Variants in GALNT16 observed in about 807,000 individuals in gnomAD.
GALNT16 encodes the protein polypeptide N-acetylgalactosaminyltransferase 16.
Under a neutral mutation model 76.1 loss-of-function variants are expected in GALNT16, and 40 were observed. The ratio of observed to expected loss-of-function variants is 0.53; its 90% CI spans 0.41 to 0.68. GALNT16 has a LOEUF of 0.68. Ranked by LOEUF, GALNT16 falls within the 30% of genes least tolerant of loss-of-function variation. The pLI is 0.00. For missense variants in GALNT16, 621 were observed against 731.9 expected, an observed-to-expected ratio of 0.85 and a Z score of 1.75; for synonymous variants, 276 against 285.2, an observed-to-expected ratio of 0.97 and a Z score of 0.32.
intron 1 of GALNT16, among the ~76,000 whole-genome samples, chr14:69,288,361 C>T (rs2044644188): frequency 6.6e-6 from 1 of 152,172 alleles, no homozygotes; most frequent in African/African-American, 2.4e-5. Flanking sequence ...AACCAGAAGG[C>T]AGTTGGAACA....
chr14:69,334,839 G>C (rs1308376337), intron 9 of GALNT16, among the ~76,000 whole-genome samples: 2 of 152,112 alleles, frequency 1.3e-5, no homozygotes, highest in Non-Finnish European at 2.9e-5. Flanking sequence ...GCGACGTGGA[G>C]ACGGGGGCGG....
At chr14:69,297,693 A>AT (rs1234435035) in intron 1 of GALNT16, among the ~76,000 whole-genome samples, 5 of 151,768 alleles carry the variant, frequency 3.3e-5, no homozygotes, top group Non-Finnish European at 5.9e-5. Context: ...TCCAGTTAAC[A>AT]TTTTTTTAAA....
At chr14:69,273,449 G>A (rs941295942) in intron 1 of GALNT16, among the ~76,000 whole-genome samples, 4 of 152,202 alleles carry the variant, frequency 2.6e-5, no homozygotes, top group Admixed American at 6.5e-5. Flanking sequence ...CAGGCTGAGC[G>A]GGAAAGAGGC....
At chr14:69,336,493 TCTC>T (rs2045417024) in intron 9 of GALNT16, among the ~76,000 whole-genome samples, 2 of 152,238 alleles carry the variant, frequency 1.3e-5, no homozygotes, top group East Asian at 3.9e-4. Flanking sequence ...GGAATGCTCT[TCTC>T]CTGCTAGCCA....
chr14:69,365,722 G>A, the GALNT16 span, among the ~76,000 whole-genome samples: 4 of 152,068 alleles, frequency 2.6e-5, no homozygotes, highest in Non-Finnish European at 4.4e-5. Flanking sequence ...AAACCAGCAT[G>A]GCACACGTTC....
At chr14:69,320,629 C>A in intron 1 of GALNT16, 82 bp from the exon 2 acceptor site, 1 of 1,343,390 alleles carries the variant, frequency 7.4e-7, no homozygotes, top group Non-Finnish European at 1.0e-6. Context: ...GTGGCTGGCT[C>A]CCGCCTGGTG....
chr14:69,359,965 C>T (rs537568716), downstream of GALNT16, among the ~76,000 whole-genome samples: 1 of 152,026 alleles, frequency 6.6e-6, no homozygotes, highest in East Asian at 1.9e-4. Flanking sequence ...GCAGAGGTTG[C>T]AGTGAGCCGA....
chr14:69,297,840 T>C (rs1258361746), intron 1 of GALNT16, among the ~76,000 whole-genome samples: 1 of 152,146 alleles, frequency 6.6e-6, no homozygotes, highest in Non-Finnish European at 1.5e-5. Flanking sequence ...ACAATAGCAA[T>C]AATAACTATA....
intron 1 of GALNT16, among the ~76,000 whole-genome samples, chr14:69,264,252 T>G (rs2044311941): frequency 6.6e-6 from 1 of 152,220 alleles, no homozygotes; most frequent in Non-Finnish European, 1.5e-5. Flanking sequence ...AGCCTGAAAT[T>G]GGGATACTAC....
At chr14:69,284,815 C>T (rs2044588906) in intron 1 of GALNT16, among the ~76,000 whole-genome samples, 1 of 151,936 alleles carries the variant, frequency 6.6e-6, no homozygotes, top group Admixed American at 6.6e-5. Context: ...TGGTGGTTTC[C>T]CCATGCTGTT....
intron 1 of GALNT16, among the ~76,000 whole-genome samples, chr14:69,316,690 G>C (rs1244840812): frequency 6.7e-6 from 1 of 150,020 alleles, no homozygotes; most frequent in South Asian, 2.1e-4. Context: ...GCAAGTAAGG[G>C]GCAGCAGTGG....
At chr14:69,361,633 A>G (rs994831730), downstream of GALNT16, among the ~76,000 whole-genome samples, 1 of 152,162 alleles carries the variant, frequency 6.6e-6, no homozygotes, top group Non-Finnish European at 1.5e-5. Context: ...GATTCTTAGA[A>G]TGGAGGTAGG....
chr14:69,268,844 T>C (rs2044370426), intron 1 of GALNT16, among the ~76,000 whole-genome samples: 1 of 152,076 alleles, frequency 6.6e-6, no homozygotes, highest in Non-Finnish European at 1.5e-5. Flanking sequence ...CATGCGGACA[T>C]CTAGGGAGAC....
chr14:69,337,726 A>G (rs1457791755), intron 9 of GALNT16, among the ~76,000 whole-genome samples: 5 of 152,160 alleles, frequency 3.3e-5, no homozygotes, highest in African/African-American at 4.8e-5. Context: ...CCACATCTGG[A>G]CGTCACTTGG....
chr14:69,328,550 C>T lies in GALNT16; in HGVS notation c.669C>T (p.Pro223=). The change falls in exon 6 of 15, where the codon CCC becomes CCT. Residue 223 remains proline (P), a synonymous_variant. Coordinates refer to ENST00000448469, the MANE Select transcript of GALNT16 (RefSeq NM_001168368.2). ...HCEVNTEWLP[P]MLQRVKEDHT... is the part of the protein sequence containing the mutation. ...AAGTGAACACCGAGTGGCTGCCGCC[C>T]ATGCTGCAGCGGGTGAAGGAGGTGA... is the stretch of plus-strand genomic sequence containing the variant. The T allele has an allele frequency of 2.5e-6, 4 of 1,613,510 alleles. No homozygotes were observed. The highest frequency in any genetic ancestry group is 1.7e-5 in the Admixed American group (1 of 59,988).
At chr14:69,266,492 G>A (rs2044344129) in intron 1 of GALNT16, among the ~76,000 whole-genome samples, 1 of 152,174 alleles carries the variant, frequency 6.6e-6, no homozygotes, top group African/African-American at 2.4e-5. Flanking sequence ...TTAGCATTGA[G>A]CCAACTTTCA....
intron 1 of GALNT16, among the ~76,000 whole-genome samples, chr14:69,316,778 G>GGGA (rs1157907956): frequency 7.9e-6 from 1 of 126,302 alleles, no homozygotes; most frequent in Non-Finnish European, 1.7e-5. Flanking sequence ...AGTCTGTGAG[G>GGGA]GGGGGGGGCA....
At chr14:69,278,008 CTTT>C (rs535285438) in intron 1 of GALNT16, among the ~76,000 whole-genome samples, 1 of 140,548 alleles carries the variant, frequency 7.1e-6, no homozygotes. Context: ...GAAATACCAT[CTTT>C]TTTTTTTTTT....
In GALNT16 at chr14:69,332,522, G is replaced by A. The variant is rs144202567; in HGVS notation, c.779-563G>A. The A allele has an allele frequency of 4.5e-3, 704 of 157,104 alleles. 7 individuals carry two copies. Among genetic ancestry groups the A allele is most frequent in the African/African-American group, 0.016 (658 of 41,584 alleles). 9.7% of individuals were successfully genotyped at this position (157,104 alleles called of 1,614,324 possible). A position where few individuals can be genotyped will look rare whatever the true frequency, so the allele number is the denominator to read the frequency against. ...GGAACTGTGCTGCTCTAGAGAATCT[G>A]TTGCTGGGAGCTGGCGGGCACAGTG... is the stretch of plus-strand genomic sequence containing the variant. On this transcript the variant is annotated intron_variant, in intron 7 of 14. Transcript: ENST00000448469.
Sources: allele counts gnomAD v4.1 joint callset (sites outside exome capture counted in the v4.1 genomes callset), GRCh38; gene constraint gnomAD v4.1.1; transcripts MANE v1.5; gene names NCBI Gene and HGNC (gene_info 2026-07-23, HGNC 2026-07-21).